The following FYTTD1 variants were observed in gnomAD, a reference collection of about 807,000 sequenced individuals.
The protein encoded by FYTTD1 is forty-two-three domain containing 1, also known as UAP56-interacting factor.
A neutral mutation model predicts 40.9 loss-of-function variants in FYTTD1; 22 were observed. The ratio of observed to expected loss-of-function variants is 0.54; its 90% CI spans 0.38 to 0.77. The LOEUF (loss-of-function observed/expected upper bound fraction) is 0.77, where lower values mean the gene tolerates loss of function less well. Ranked by LOEUF, FYTTD1 falls within the 30% of genes least tolerant of loss-of-function variation. The pLI is 0.00. For synonymous variants in FYTTD1, 140 were observed against 137.9 expected (o/e 1.01, Z -0.10); for missense variants, 351 against 392.2 (o/e 0.90, Z 0.89).
chr3:197,774,244 C>A, intron 6 of FYTTD1, 34 bp downstream of exon 6: 1 of 1,532,164 alleles, frequency 6.5e-7, no homozygotes, highest in Non-Finnish European at 9.0e-7. Context: ...GATGTTATTT[C>A]AAAACTCCCA....
chr3:197,771,405 C>G (rs1729711383), intron 4 of FYTTD1, among the ~76,000 whole-genome samples: 1 of 152,112 alleles, frequency 6.6e-6, no homozygotes, highest in South Asian at 2.1e-4. Flanking sequence ...TGCCTGTATT[C>G]CCAGCACTTT....
chr3:197,774,538 C>G (rs1729814737), intron 6 of FYTTD1, among the ~76,000 whole-genome samples: 2 of 151,824 alleles, frequency 1.3e-5, no homozygotes, highest in African/African-American at 4.8e-5. Flanking sequence ...GCACACCAGC[C>G]TGAGCAGCAT....
Position 197,774,166 on chromosome 3 carries a change from T to C in FYTTD1, c.612T>C (p.Asn204=), listed in dbSNP as rs1248400872. 1 of 1,614,008 alleles carries C rather than the reference T, an allele frequency of 6.2e-7. No homozygotes were observed. The highest frequency in any genetic ancestry group is 1.1e-5 in the South Asian group (1 of 91,082). ...RRGLKVQAQL[N]TEQLLDDVVA... is the part of the protein sequence containing the mutation. ...CCCTTCAGGTGCAGGCCCAGTTGAATACAGAACAACTGCTAGACGATGTAG... is the reference window on the plus strand; with the variant it reads ...CCCTTCAGGTGCAGGCCCAGTTGAACACAGAACAACTGCTAGACGATGTAG... Residue 204 remains asparagine, a synonymous_variant, in exon 6 of 9, where the codon AAT becomes AAC. Transcript: ENST00000241502.
At chr3:197,749,566 G>T (rs1306466134), upstream of FYTTD1, 2 of 1,291,336 alleles carry the variant, frequency 1.5e-6, no homozygotes, top group Non-Finnish European at 2.0e-6. Context: ...AGGCTCGTGT[G>T]TACCGAAGTA....
At chr3:197,749,561 C>G (rs1171343123), upstream of FYTTD1, 22 of 1,291,666 alleles carry the variant, frequency 1.7e-5, no homozygotes, top group Non-Finnish European at 2.1e-5. Flanking sequence ...GCGAAAGGCT[C>G]GTGTGTACCG....
At chr3:197,771,769 T>G (rs1436889789) in intron 4 of FYTTD1, among the ~76,000 whole-genome samples, 1 of 65,578 alleles carries the variant, frequency 1.5e-5, no homozygotes, top group African/African-American at 5.5e-5. Flanking sequence ...AGAGCGAGAC[T>G]CCGTCTCAAA....
At chr3:197,776,356 C>T (rs1369307515) in intron 6 of FYTTD1, among the ~76,000 whole-genome samples, 1 of 151,026 alleles carries the variant, frequency 6.6e-6, no homozygotes, top group Non-Finnish European at 1.5e-5. Context: ...AAATACCCAC[C>T]ACCACACCCC....
At position 197,784,019 on chromosome 3, in the gene FYTTD1, A is replaced by T. The variant is rs1451424402; in HGVS notation, c.*2110A>T. 8 of 152,590 alleles carry T rather than the reference A, an allele frequency of 5.2e-5. No individual in the cohort carries two copies. The highest frequency in any genetic ancestry group is 1.0e-4 in the Non-Finnish European group (7 of 68,004). 9.5% of individuals were successfully genotyped at this position (152,590 alleles called of 1,614,324 possible). On this transcript the variant is annotated 3_prime_UTR_variant, in exon 9 of 9. Transcript: ENST00000241502. ...TCACATATTGTATATAAACAAAACA[A>T]TATGCTTTGTTGAAGGAAAATTTTC...
intron 8 of FYTTD1, among the ~76,000 whole-genome samples, chr3:197,779,825 A>C (rs377433481): frequency 5.6e-5 from 8 of 143,524 alleles, no homozygotes; most frequent in African/African-American, 2.1e-4. Context: ...GCAGGCACAC[A>C]CCATACCTGG....
rs1245735247 is a variant in FYTTD1 at position 197,769,332 on chromosome 3, C to T, written c.384+745C>T. ...CGAACTCCTGACCTCATGATCCATC[C>T]GCCTCACCCTCCCAAAGTGTGGGGA... On this transcript the variant is annotated intron_variant, in intron 3 of 8. Coordinates refer to ENST00000241502, the MANE Select transcript of FYTTD1 (RefSeq NM_032288.7). Among the ~76,000 whole-genome samples the T allele has an allele frequency of 3.9e-5, 6 of 152,172 alleles. No homozygotes were observed. In the East Asian group the frequency reaches 7.7e-4, roughly 20 times the overall value.
intron 6 of FYTTD1, among the ~76,000 whole-genome samples, chr3:197,775,347 GACT>G (rs1729845757): frequency 6.6e-6 from 1 of 152,116 alleles, no homozygotes; most frequent in Non-Finnish European, 1.5e-5. Flanking sequence ...TTAAAATTAT[GACT>G]ACTTTTTGGA....
In FYTTD1 at chr3:197,750,908, T is replaced by C. The variant is rs577958179; in HGVS notation, c.103+834T>C. ...AAAAACCGGGAGGTTGGTGATTCCA[T>C]TAAAATCCAGCCCTGACACTACCGA... On this transcript the variant is annotated intron_variant, in intron 1 of 8. Transcript: ENST00000241502. 527 of 946,732 alleles carry C rather than the reference T, an allele frequency of 5.6e-4. 2 individuals are homozygous for C. The African/African-American group carries it at 8.5e-3, about 15-fold the overall frequency. The allele number at this position is 946,732 out of a possible 1,614,324, so 58.6% of individuals were successfully genotyped here.
intron 2 of FYTTD1, among the ~76,000 whole-genome samples, chr3:197,761,552 T>A (rs1003546772): frequency 1.3e-5 from 2 of 152,064 alleles, no homozygotes; most frequent in Non-Finnish European, 2.9e-5. Context: ...AGTGGTAGAA[T>A]GTATAGAGTG....
At chr3:197,765,539 C>T (rs1729518795) in intron 2 of FYTTD1, among the ~76,000 whole-genome samples, 1 of 152,040 alleles carries the variant, frequency 6.6e-6, no homozygotes, top group Non-Finnish European at 1.5e-5. Flanking sequence ...GGAAACCACA[C>T]ATAGGGCAGC....
intron 2 of FYTTD1, among the ~76,000 whole-genome samples, chr3:197,764,692 G>C (rs1287145124): frequency 9.3e-6 from 1 of 107,560 alleles, no homozygotes; most frequent in Non-Finnish European, 1.8e-5. Context: ...CCGGGTGACA[G>C]AGCGAGAGTC....
intron 1 of FYTTD1, among the ~76,000 whole-genome samples, chr3:197,751,460 G>A (rs974497251): frequency 6.6e-6 from 1 of 152,146 alleles, no homozygotes; most frequent in African/African-American, 2.4e-5. Flanking sequence ...AGCCCGGGCA[G>A]CAAGGTGAAA....
At chr3:197,778,278 G>A in intron 7 of FYTTD1, 60 bp from the exon 8 acceptor site, 1 of 1,356,846 alleles carries the variant, frequency 7.4e-7, no homozygotes, top group Non-Finnish European at 1.0e-6. Context: ...TAAGTACCAA[G>A]TGAATTTATT....
intron 2 of FYTTD1, among the ~76,000 whole-genome samples, chr3:197,758,376 A>G (rs73894340): frequency 0.038 from 5,716 of 152,292 alleles, 382 homozygotes; most frequent in African/African-American, 0.13. Flanking sequence ...CTTGATAGAT[A>G]CCCTAAACTG....
At position 197,756,530 on chromosome 3, in the gene FYTTD1, G is replaced by A. The variant is rs1729220572; in HGVS notation, c.208G>A (p.Val70Met). 2 of 1,613,824 alleles carry A rather than the reference G, an allele frequency of 1.2e-6. No homozygotes were observed. The highest frequency in any genetic ancestry group is 1.7e-6 in the Non-Finnish European group (2 of 1,179,734). Residue 70 changes from valine (V) to methionine (M), a missense_variant, in exon 2 of 9, where the codon GTG (valine) becomes ATG (methionine). Transcript: ENST00000241502. ...QSGAQQFRMR[V>M]RWGIQQNSGF... ...TGGTGCCCAGCAATTCAGGATGAGA[G>A]TGCGATGGGGAATCCAACAGAATTC...
Sources: allele counts gnomAD v4.1 joint callset (sites outside exome capture counted in the v4.1 genomes callset), GRCh38; gene constraint gnomAD v4.1.1; transcripts MANE v1.5; gene names NCBI Gene and HGNC (gene_info 2026-07-23, HGNC 2026-07-21).